The following ZSWIM5 variants were observed in gnomAD, a reference collection of about 807,000 sequenced individuals.
The protein encoded by ZSWIM5 is zinc finger SWIM domain-containing protein 5.
In ZSWIM5, 55 loss-of-function variants were observed where a neutral mutation model predicts 119.6. The observed-to-expected ratio is 0.46, with a 90% CI of 0.37 to 0.58. The LOEUF is 0.58. ZSWIM5 is among the 20% of genes least tolerant of loss of function. The pLI is 0.00. For missense variants in ZSWIM5, 1,193 were observed against 1,512.8 expected, an observed-to-expected ratio of 0.79 and a Z score of 3.51; for synonymous variants, 537 against 606.9, an observed-to-expected ratio of 0.88 and a Z score of 1.69.
intron 2 of ZSWIM5, among the ~76,000 whole-genome samples, chr1:45,069,426 C>CAA (rs780000992): frequency 0.013 from 1,396 of 103,542 alleles, 27 homozygotes; most frequent in African/African-American, 0.045. Flanking sequence ...ACTCCGTCTC[C>CAA]AAAAAAAAAA....
chr1:45,206,156 T>C lies in ZSWIM5; in HGVS notation c.195A>G (p.Leu65=). The C allele has an allele frequency of 6.2e-7, 1 of 1,609,354 alleles. No individual in the cohort carries two copies. Among genetic ancestry groups the C allele is most frequent in the Non-Finnish European group, 8.5e-7 (1 of 1,178,648 alleles). ...GARPHLQPDS[L]LDCAAKTVAE... ...CCACCGTCTTGGCGGCGCAGTCCAG[T>C]AAGGAATCCGGCTGCAGGTGGGGGC... Residue 65 remains leucine (L), a synonymous_variant, in exon 1 of 14, where the codon TTA becomes TTG. Transcript: ENST00000359600.
intron 1 of ZSWIM5, among the ~76,000 whole-genome samples, chr1:45,150,042 C>A (rs936965978): frequency 1.3e-5 from 2 of 151,698 alleles, no homozygotes; most frequent in African/African-American, 4.8e-5. Flanking sequence ...TGGTGGTGTA[C>A]ACCTGTAGTC....
intron 1 of ZSWIM5, among the ~76,000 whole-genome samples, chr1:45,156,856 T>C (rs776874561): frequency 6.6e-6 from 1 of 151,852 alleles, no homozygotes; most frequent in African/African-American, 2.4e-5. Flanking sequence ...TGATCTTGTA[T>C]GTAGAAAATC....
At chr1:45,100,172 C>T (rs1371790391) in intron 1 of ZSWIM5, among the ~76,000 whole-genome samples, 2 of 152,178 alleles carry the variant, frequency 1.3e-5, no homozygotes, top group East Asian at 1.9e-4. Flanking sequence ...CCAAAATCTT[C>T]TTAAGCTGAT....
intron 1 of ZSWIM5, among the ~76,000 whole-genome samples, chr1:45,116,794 C>T (rs368232509): frequency 6.6e-6 from 1 of 151,866 alleles, no homozygotes; most frequent in Admixed American, 6.6e-5. Context: ...AAGGATATAC[C>T]GATTGGCAAC....
At position 45,035,735 on chromosome 1, in the gene ZSWIM5, C is replaced by T. The variant is rs1442231877; in HGVS notation, c.2244G>A (p.Leu748=). ...TFAKYLFSAL[L]PHDPDLSYKL... is the part of the protein sequence containing the mutation. ...TATAGGACAGGTCTGGATCATGAGG[C>T]AGCAGAGCTGAGAACAAATACTTGG... The change falls in exon 10 of 14, where the codon CTG becomes CTA. Residue 748 remains leucine, a synonymous_variant. Coordinates refer to ENST00000359600, the MANE Select transcript of ZSWIM5 (RefSeq NM_020883.2). The T allele has an allele frequency of 1.2e-6, 2 of 1,613,842 alleles. No individual in the cohort carries two copies. The highest frequency in any genetic ancestry group is 1.3e-5 in the African/African-American group (1 of 74,864).
intron 3 of ZSWIM5, 105 bp from the exon 4 acceptor site, chr1:45,058,864 C>T (rs1645137849): frequency 8.3e-6 from 11 of 1,322,520 alleles, no homozygotes; most frequent in Middle Eastern, 2.0e-4. Flanking sequence ...TCTGAGTACA[C>T]CATATCCAAA....
At chr1:45,118,658 C>T (rs1270782464) in intron 1 of ZSWIM5, among the ~76,000 whole-genome samples, 2 of 150,924 alleles carry the variant, frequency 1.3e-5, no homozygotes, top group South Asian at 2.1e-4. Flanking sequence ...GGTAGGATCA[C>T]CTGAGCCTGG....
chr1:45,159,356 C>T (rs941576280), intron 1 of ZSWIM5, among the ~76,000 whole-genome samples: 3 of 152,216 alleles, frequency 2.0e-5, no homozygotes, highest in East Asian at 1.9e-4. Context: ...CTAAATGTCA[C>T]TTCTTTCATT....
chr1:45,101,907 G>T (rs772325225), intron 1 of ZSWIM5, among the ~76,000 whole-genome samples: 2 of 152,110 alleles, frequency 1.3e-5, no homozygotes, highest in African/African-American at 2.4e-5. Flanking sequence ...GAGGGCAGGG[G>T]AAGGGATAGC....
Position 45,060,089 on chromosome 1 carries a change from C to A in ZSWIM5, c.1101+10G>T. 1 of 1,613,950 alleles carries A rather than the reference C, an allele frequency of 6.2e-7. No individual in the cohort carries two copies. The highest frequency in any genetic ancestry group is 8.5e-7 in the Non-Finnish European group (1 of 1,179,950). On this transcript the variant is annotated intron_variant, in intron 3 of 13. Coordinates refer to ENST00000359600, the MANE Select transcript of ZSWIM5 (RefSeq NM_020883.2). ...CAACAACAAAAGAAAAACACCTTTT[C>A]ATATCTTACCTTGGCAAACATTGAG... is the stretch of plus-strand genomic sequence containing the variant.
chr1:45,196,571 T>C (rs1014305840), intron 1 of ZSWIM5, among the ~76,000 whole-genome samples: 3 of 151,568 alleles, frequency 2.0e-5, no homozygotes, highest in Non-Finnish European at 4.4e-5. Context: ...TTTGTATTTT[T>C]AGTAGAGGCG....
At chr1:45,150,595 C>T (rs1645791068) in intron 1 of ZSWIM5, among the ~76,000 whole-genome samples, 1 of 152,208 alleles carries the variant, frequency 6.6e-6, no homozygotes, top group Non-Finnish European at 1.5e-5. Context: ...TCCAGCTCCC[C>T]TTTCTGCCCC....
intron 1 of ZSWIM5, among the ~76,000 whole-genome samples, chr1:45,106,794 GAA>G (rs1024035347): frequency 2.0e-5 from 3 of 152,154 alleles, no homozygotes; most frequent in Non-Finnish European, 4.4e-5. Flanking sequence ...GTGGGGAAAA[GAA>G]AGAGAGATCA....
At position 45,084,006 on chromosome 1, in the gene ZSWIM5, C is replaced by T. The variant is rs139565907; in HGVS notation, c.952+3875G>A. On this transcript the variant is annotated intron_variant, in intron 2 of 13. Transcript: ENST00000359600. ...TTCACTGCAATCTCTGCCTCCTGGGCTCAAGCCATCCTCCCACCTCAGCCT... is the reference window on the plus strand; with the variant it reads ...TTCACTGCAATCTCTGCCTCCTGGGTTCAAGCCATCCTCCCACCTCAGCCT... Among the ~76,000 whole-genome samples, 761 of 152,256 alleles carry T rather than the reference C, an allele frequency of 5.0e-3. 5 individuals are homozygous for T. The highest frequency in any genetic ancestry group is 0.01 in the Middle Eastern group (3 of 294).
chr1:45,058,349 G>A (rs1008607995), intron 4 of ZSWIM5, among the ~76,000 whole-genome samples: 1 of 152,176 alleles, frequency 6.6e-6, no homozygotes, highest in Non-Finnish European at 1.5e-5. Flanking sequence ...CAGAAGACAA[G>A]CAAAGAGGTT....
intron 3 of ZSWIM5, 103 bp from the exon 4 acceptor site, chr1:45,058,862 C>A: frequency 7.5e-7 from 1 of 1,325,540 alleles, no homozygotes; most frequent in South Asian, 1.3e-5. Context: ...TATCTGAGTA[C>A]ACCATATCCA....
chr1:45,179,374 A>T (rs1211699414), intron 1 of ZSWIM5, among the ~76,000 whole-genome samples: 1 of 152,130 alleles, frequency 6.6e-6, no homozygotes, highest in Non-Finnish European at 1.5e-5. Context: ...GTTCTCACTT[A>T]CAAGAAGGTG....
At chr1:45,147,934 G>T (rs539338480) in intron 1 of ZSWIM5, among the ~76,000 whole-genome samples, 2 of 152,300 alleles carry the variant, frequency 1.3e-5, no homozygotes, top group East Asian at 3.8e-4. Context: ...GGGTCAAGAT[G>T]GATATGGCAA....
Sources: allele counts gnomAD v4.1 joint callset (sites outside exome capture counted in the v4.1 genomes callset), GRCh38; gene constraint gnomAD v4.1.1; transcripts MANE v1.5; gene names NCBI Gene and HGNC (gene_info 2026-07-23, HGNC 2026-07-21).